SLC5A10: variants seen among roughly 807,000 people sequenced by gnomAD.
SLC5A10 encodes the protein sodium/mannose cotransporter SLC5A10.
A neutral mutation model predicts 68.9 loss-of-function variants in SLC5A10; 55 were observed. The ratio of observed to expected loss-of-function variants is 0.80; its 90% CI spans 0.64 to 1.00. SLC5A10 has a LOEUF of 1.00. Ranked by LOEUF, SLC5A10 falls within the 50% of genes least tolerant of loss-of-function variation. The pLI is 0.00. For synonymous variants in SLC5A10, 344 were observed against 344.8 expected (o/e 1.00, Z 0.02); for missense variants, 732 against 819.3 (o/e 0.89, Z 1.30).
At chr17:18,955,633 C>T (rs1387225144) in intron 1 of SLC5A10, among the ~76,000 whole-genome samples, 1 of 152,236 alleles carries the variant, frequency 6.6e-6, no homozygotes, top group Non-Finnish European at 1.5e-5. Flanking sequence ...TTGTGCAGTG[C>T]ACAGCGTACA....
intron 9 of SLC5A10, chr17:18,978,896 C>A (rs2043059541): frequency 6.3e-7 from 1 of 1,595,708 alleles, no homozygotes; most frequent in East Asian, 2.2e-5. Flanking sequence ...GACCCTGCTT[C>A]CTCCGCCCAG....
rs1400238514 is a variant in SLC5A10, at chr17:18,968,906, A to T, written c.454-146A>T. On this transcript the variant is annotated intron_variant, in intron 5 of 14. Coordinates refer to ENST00000395645, the MANE Select transcript of SLC5A10 (RefSeq NM_001042450.4). This position sits in a 1 kb window ranked among gnomAD's most constrained non-coding sequence, Gnocchi z 4.1. Reference sequence around the variant, plus strand: ...CCCCCAACCTCACAATGGCCCCGTGATGCAGGCAGGCAGGCGAGTGGGGGT... The same window carrying T: ...CCCCCAACCTCACAATGGCCCCGTGTTGCAGGCAGGCAGGCGAGTGGGGGT... 3.0e-6 allele frequency: 2 copies of T among 668,998 alleles called. No individual in the cohort carries two copies. The highest frequency in any genetic ancestry group is 5.0e-6 in the Non-Finnish European group (2 of 401,454). 41.4% of individuals were successfully genotyped at this position (668,998 alleles called of 1,614,324 possible). A position where few individuals can be genotyped will look rare whatever the true frequency, so the allele number is the denominator to read the frequency against.
At chr17:18,961,075 G>T (rs994991473) in intron 5 of SLC5A10, among the ~76,000 whole-genome samples, 1 of 152,206 alleles carries the variant, frequency 6.6e-6, no homozygotes, top group Non-Finnish European at 1.5e-5. Flanking sequence ...AGGCTGGTGG[G>T]CTCCATCACT....
In SLC5A10 at chr17:18,960,565, G is replaced by C; in HGVS notation, c.366G>C (p.Glu122Asp). 1 of 1,614,096 alleles carries C rather than the reference G, an allele frequency of 6.2e-7. No individual in the cohort carries two copies. Among genetic ancestry groups the C allele is most frequent in the Non-Finnish European group, 8.5e-7 (1 of 1,179,966 alleles). The change falls in exon 5 of 15, where the codon GAG (glutamate) becomes GAC (aspartate). Residue 122 changes from glutamate (E) to aspartate (D), a missense_variant. Glu to Asp is a conservative substitution (Grantham distance 45). Transcript: ENST00000395645. ...CTTCCCAGATCGTCACCTTACCTGA[G>C]TACATTCAGAAGCGCTACGGGGGCC... Reference protein sequence around the residue: ...YISSEIVTLPEYIQKRYGGQR... With the variant: ...YISSEIVTLPDYIQKRYGGQR...
intron 9 of SLC5A10, chr17:18,978,370 G>T: frequency 6.3e-7 from 1 of 1,593,466 alleles, no homozygotes; most frequent in Non-Finnish European, 8.5e-7. Context: ...TGTTGGGGTC[G>T]ATGATATTGA....
At chr17:18,953,128 CTTT>C (rs34638037) in intron 1 of SLC5A10, among the ~76,000 whole-genome samples, 118 of 125,214 alleles carry the variant, frequency 9.4e-4, no homozygotes, top group Admixed American at 1.2e-3. Flanking sequence ...AGTACCCCTT[CTTT>C]TTTTTTTTTT....
chr17:19,021,962 C>T lies in SLC5A10; in HGVS notation c.*1531C>T, dbSNP rs755548763. On this transcript the variant is annotated 3_prime_UTR_variant, in exon 15 of 15. Transcript: ENST00000395645. The surrounding 1 kb of genome is among the most constrained non-coding windows in gnomAD (Gnocchi z 4.1). ...GCCAGATCGGCCGCCGGGCTGCTCA[C>T]AGGTGCACGGGCTGCACGTAACTCC... 7.1e-6 allele frequency: 11 copies of T among 1,541,736 alleles called. No homozygotes were observed. The East Asian group carries it at 2.1e-4, about 29-fold the overall frequency.
intron 1 of SLC5A10, among the ~76,000 whole-genome samples, chr17:18,954,919 T>C (rs969883294): frequency 6.6e-6 from 1 of 151,986 alleles, no homozygotes; most frequent in Non-Finnish European, 1.5e-5. Context: ...TTTGTATTAT[T>C]TTGTGATAAT....
chr17:18,955,450 A>G (rs2042479138), intron 1 of SLC5A10, among the ~76,000 whole-genome samples: 1 of 152,196 alleles, frequency 6.6e-6, no homozygotes, highest in African/African-American at 2.4e-5. Context: ...GTTGAAGCCA[A>G]CTCTGGCATG....
In SLC5A10 at chr17:19,019,747, T is replaced by C; in HGVS notation, c.1445T>C (p.Val482Ala). The C allele has an allele frequency of 6.2e-7, 1 of 1,612,212 alleles. No homozygotes were observed. The highest frequency in any genetic ancestry group is 8.5e-7 in the Non-Finnish European group (1 of 1,179,730). Residue 482 changes from valine (V) to alanine (A), a missense_variant, in exon 13 of 15, where the codon GTG becomes GCG. Coordinates refer to ENST00000395645, the MANE Select transcript of SLC5A10 (RefSeq NM_001042450.4). The stretch of plus-strand genomic sequence containing the variant: ...TGGGGCCTGATAGCAGGGCTGGTGG[T>C]GGGGGCCACGAGGCTGGTCCTGGAA... ...AFWGLIAGLVVGATRLVLEFL... is the reference protein window; with the variant it reads ...AFWGLIAGLVAGATRLVLEFL...
chr17:18,958,437 C>A (rs780735091), intron 1 of SLC5A10, among the ~76,000 whole-genome samples: 2 of 152,150 alleles, frequency 1.3e-5, no homozygotes, highest in Admixed American at 6.5e-5. Context: ...ACTCATCAGT[C>A]GACAGAAATG....
rs1378912455 is a variant in SLC5A10, at chr17:18,969,432, G to A, written c.640+10G>A. The A allele has an allele frequency of 6.2e-7, 1 of 1,612,604 alleles. No individual in the cohort carries two copies. On this transcript the variant is annotated intron_variant, in intron 7 of 14. Coordinates refer to ENST00000395645, the MANE Select transcript of SLC5A10 (RefSeq NM_001042450.4). The stretch of plus-strand genomic sequence containing the variant: ...ATCCTGACAATCAAAGGTGAGGACA[G>A]AGTCTGTGGCCATGGCGGGGCTGTC...
In SLC5A10 at chr17:18,996,458, C is replaced by T. The variant is rs1041558642; in HGVS notation, c.983-16952C>T. ...GGGTTAGGAAGTTCTCCTAGGATCC[C>T]TGGGTGGTGCTCCCTGCCACCTCCT... On this transcript the variant is annotated intron_variant, in intron 9 of 14. Transcript: ENST00000395645. This position sits in a 1 kb window ranked among gnomAD's most constrained non-coding sequence, Gnocchi z 4.4. Among the ~76,000 whole-genome samples, 3 of 152,118 alleles carry T rather than the reference C, an allele frequency of 2.0e-5. No individual in the cohort carries two copies. Among genetic ancestry groups the T allele is most frequent in the Non-Finnish European group, 4.4e-5 (3 of 68,018 alleles).
rs752635871 is a variant in SLC5A10, at chr17:19,003,934, C to T, written c.983-9476C>T. 5.0e-6 allele frequency: 8 copies of T among 1,612,940 alleles called. No individual in the cohort carries two copies. In the Admixed American group the frequency reaches 1.2e-4, roughly 24 times the overall value. ...CGTCCCGGCCGCGGGCCACCAGGGCCTCCAGCGCCAGCCGCTGCTCCTCGC... is the reference window on the plus strand; with the variant it reads ...CGTCCCGGCCGCGGGCCACCAGGGCTTCCAGCGCCAGCCGCTGCTCCTCGC... On this transcript the variant is annotated intron_variant, in intron 9 of 14. Transcript: ENST00000395645. This position sits in a 1 kb window ranked among gnomAD's most constrained non-coding sequence, Gnocchi z 4.5.
At chr17:18,957,916 C>A (rs1208844920) in intron 1 of SLC5A10, among the ~76,000 whole-genome samples, 1 of 152,238 alleles carries the variant, frequency 6.6e-6, no homozygotes, top group African/African-American at 2.4e-5. Flanking sequence ...GGCAACAACT[C>A]ATCTGCTTTC....
intron 9 of SLC5A10, chr17:18,977,562 G>T: frequency 6.3e-7 from 1 of 1,599,336 alleles, no homozygotes. Flanking sequence ...GTGACCCCTG[G>T]TGTGCAGGGA....
intron 9 of SLC5A10, chr17:18,988,252 G>T: frequency 6.2e-7 from 1 of 1,608,300 alleles, no homozygotes; most frequent in Non-Finnish European, 8.5e-7. Context: ...CTCACCTTGA[G>T]GTGCCCCAGG....
chr17:19,003,921 G>A lies in SLC5A10; in HGVS notation c.983-9489G>A, dbSNP rs946928798. On this transcript the variant is annotated intron_variant, in intron 9 of 14. Transcript: ENST00000395645. This position sits in a 1 kb window ranked among gnomAD's most constrained non-coding sequence, Gnocchi z 4.5. ...ACCTCGTAGAAGGCGTCCCGGCCGC[G>A]GGCCACCAGGGCCTCCAGCGCCAGC... 2.5e-6 allele frequency: 4 copies of A among 1,612,828 alleles called. No homozygotes were observed. The highest frequency in any genetic ancestry group is 3.3e-5 in the Admixed American group (2 of 60,014).
At chr17:18,969,320 G>A (rs1308399968) in intron 6 of SLC5A10, 22 bp from the exon 7 acceptor site, 8 of 1,611,682 alleles carry the variant, frequency 5.0e-6, no homozygotes, top group Non-Finnish European at 6.8e-6. Context: ...GCCCCCTCCA[G>A]CAACCTTGCT....
Sources: allele counts gnomAD v4.1 joint callset (sites outside exome capture counted in the v4.1 genomes callset), GRCh38; gene constraint gnomAD v4.1.1; non-coding constraint Gnocchi (gnomAD v3.1); transcripts MANE v1.5; gene names NCBI Gene and HGNC (gene_info 2026-07-23, HGNC 2026-07-21).